NPL: variants seen among roughly 807,000 people sequenced by gnomAD.
NPL encodes N-acetylneuraminate lyase.
In NPL, 32 loss-of-function variants were observed where a neutral mutation model predicts 41.1. The observed-to-expected ratio is 0.78, with a 90% CI of 0.59 to 1.05. The LOEUF is 1.05. NPL is among the 50% of genes least tolerant of loss of function. NPL has a pLI of 0.00. For synonymous variants in NPL, 128 were observed against 134.9 expected, an observed-to-expected ratio of 0.95 and a Z score of 0.35; for missense variants, 321 against 378.4, an observed-to-expected ratio of 0.85 and a Z score of 1.26.
chr1:182,799,336 C>T (rs910663009), intron 3 of NPL, among the ~76,000 whole-genome samples: 1 of 152,164 alleles, frequency 6.6e-6, no homozygotes, highest in African/African-American at 2.4e-5. Flanking sequence ...TAATTATACT[C>T]ATCCATAAAA....
chr1:182,819,239 G>A (rs970241832), intron 10 of NPL, among the ~76,000 whole-genome samples: 1 of 152,122 alleles, frequency 6.6e-6, no homozygotes, highest in African/African-American at 2.4e-5. Flanking sequence ...GGTGGATCAC[G>A]AGATCAGCAG....
intron 8 of NPL, among the ~76,000 whole-genome samples, chr1:182,818,178 C>G (rs562290722): frequency 6.6e-6 from 1 of 152,254 alleles, no homozygotes; most frequent in South Asian, 2.1e-4. Context: ...CAGGAAATTA[C>G]AAAGGTCTTG....
At chr1:182,817,086 C>G (rs1413035710) in intron 8 of NPL, among the ~76,000 whole-genome samples, 1 of 152,170 alleles carries the variant, frequency 6.6e-6, no homozygotes, top group Non-Finnish European at 1.5e-5. Flanking sequence ...ACCCCTTCTT[C>G]TTATTGAGAA....
chr1:182,808,270 A>G (rs6679583), intron 5 of NPL, among the ~76,000 whole-genome samples: 35,538 of 152,220 alleles, frequency 0.23, 7,470 homozygotes, highest in African/African-American at 0.56. Flanking sequence ...AGATGCAGTA[A>G]ATGCTATGTT....
Position 182,828,671 on chromosome 1 carries a change from G to A in NPL, c.779-53G>A, listed in dbSNP as rs964011937. The A allele has an allele frequency of 5.0e-6, 8 of 1,612,328 alleles. No individual in the cohort carries two copies. The highest frequency in any genetic ancestry group is 6.8e-6 in the Non-Finnish European group (8 of 1,179,080). ...TATGATCTCCTTCTTTGGGATTTTT[G>A]TGGAGAGATAGACGGTACCAGTCAT... On this transcript the variant is annotated intron_variant, in intron 12 of 12. Transcript: ENST00000367553. The surrounding 1 kb of genome is among the most constrained non-coding windows in gnomAD (Gnocchi z 4.0).
intron 10 of NPL, among the ~76,000 whole-genome samples, chr1:182,821,268 A>G (rs1667480024): frequency 6.6e-6 from 1 of 152,246 alleles, no homozygotes; most frequent in Non-Finnish European, 1.5e-5. Context: ...ATTTGAATTT[A>G]AAGAACTTGG....
chr1:182,812,203 C>A lies in NPL; in HGVS notation c.278C>A (p.Ser93Ter). ...GTAGGAGCACTGAGCTTGAAGGAGTCACAGGAACTGGTATGTATGCAGTTC... is the reference window on the plus strand; with the variant it reads ...GTAGGAGCACTGAGCTTGAAGGAGTAACAGGAACTGGTATGTATGCAGTTC... The part of the protein sequence containing the change: ...IHVGALSLKE[S>*]QELAQHAAEI... Residue 93 changes from serine (S) to a stop codon, truncating the protein, a stop_gained, in exon 6 of 13, where the codon TCA (serine) becomes TAA (stop). Coordinates refer to ENST00000367553, the MANE Select transcript of NPL (RefSeq NM_030769.3). LOFTEE classifies it high-confidence loss of function. The A allele has an allele frequency of 6.2e-7, 1 of 1,613,672 alleles. No individual in the cohort carries two copies.
At chr1:182,808,550 G>A (rs1016860883) in intron 5 of NPL, among the ~76,000 whole-genome samples, 1 of 152,196 alleles carries the variant, frequency 6.6e-6, no homozygotes, top group Non-Finnish European at 1.5e-5. Context: ...AGGAAGGAAG[G>A]AATAGGCAAG....
chr1:182,817,313 A>G (rs546449925), intron 8 of NPL, among the ~76,000 whole-genome samples: 2 of 152,328 alleles, frequency 1.3e-5, no homozygotes, highest in South Asian at 2.1e-4. Flanking sequence ...TAAATTCCAT[A>G]AGAGGAAAAA....
At chr1:182,817,933 T>C (rs899105597) in intron 8 of NPL, among the ~76,000 whole-genome samples, 1 of 152,162 alleles carries the variant, frequency 6.6e-6, no homozygotes. Flanking sequence ...GAGTACCTCA[T>C]TGGCCATGGG....
chr1:182,808,794 A>C (rs2102546922), intron 5 of NPL, among the ~76,000 whole-genome samples: 1 of 152,062 alleles, frequency 6.6e-6, no homozygotes, highest in Non-Finnish European at 1.5e-5. Context: ...GTCTCTATAA[A>C]AAATAAAAAT....
intron 10 of NPL, among the ~76,000 whole-genome samples, chr1:182,819,440 C>T (rs1181168056): frequency 1.3e-5 from 2 of 150,046 alleles, no homozygotes; most frequent in Non-Finnish European, 3.0e-5. Flanking sequence ...GAGTGAAACT[C>T]CATCTCAAAA....
chr1:182,811,830 A>G (rs766039556), intron 5 of NPL, among the ~76,000 whole-genome samples: 3 of 152,184 alleles, frequency 2.0e-5, no homozygotes, highest in East Asian at 1.9e-4. Flanking sequence ...TCCTACAGAA[A>G]GGAAGAAATG....
intron 10 of NPL, 23 bp downstream of exon 10, chr1:182,818,882 A>G: frequency 1.2e-6 from 2 of 1,611,388 alleles, no homozygotes; most frequent in Non-Finnish European, 8.5e-7. Context: ...CATTTTTCCC[A>G]GTGGTTATAA....
chr1:182,813,003 A>T (rs1158873573), intron 6 of NPL, among the ~76,000 whole-genome samples: 1 of 152,052 alleles, frequency 6.6e-6, no homozygotes, highest in Non-Finnish European at 1.5e-5. Context: ...AAATACAAAA[A>T]TTAGCCAGGC....
intron 8 of NPL, among the ~76,000 whole-genome samples, chr1:182,817,392 C>T (rs1667363367): frequency 6.6e-6 from 1 of 152,232 alleles, no homozygotes. Flanking sequence ...ATTCTCTACT[C>T]TCATACTTAG....
intron 6 of NPL, among the ~76,000 whole-genome samples, chr1:182,813,897 G>A (rs1328190545): frequency 2.0e-5 from 3 of 152,184 alleles, no homozygotes; most frequent in Non-Finnish European, 4.4e-5. Flanking sequence ...CTGATCCTGT[G>A]TTAATGAAAT....
chr1:182,805,761 G>A (rs763565144), intron 4 of NPL, among the ~76,000 whole-genome samples: 6 of 152,100 alleles, frequency 3.9e-5, no homozygotes, highest in East Asian at 1.9e-4. Flanking sequence ...AAAAGCACCC[G>A]CATGAGTAAC....
chr1:182,791,576 C>G (rs546876359), intron 1 of NPL, among the ~76,000 whole-genome samples: 72 of 152,246 alleles, frequency 4.7e-4, no homozygotes, highest in African/African-American at 1.7e-3. Context: ...GATTCCTAAC[C>G]CCTATCCTAC....
Sources: allele counts gnomAD v4.1 joint callset (sites outside exome capture counted in the v4.1 genomes callset), GRCh38; gene constraint gnomAD v4.1.1; non-coding constraint Gnocchi (gnomAD v3.1); transcripts MANE v1.5; gene names NCBI Gene and HGNC (gene_info 2026-07-23, HGNC 2026-07-21).